Variants in UBE2A observed in about 807,000 individuals in gnomAD.
UBE2A encodes ubiquitin conjugating enzyme E2 A, also known as ubiquitin-conjugating enzyme E2 A.
For synonymous variants in UBE2A, 39 were observed against 41.1 expected, an observed-to-expected ratio of 0.95 and a Z score of 0.20; for missense variants, 27 against 125.8, an observed-to-expected ratio of 0.21 and a Z score of 3.76.
intron 2 of UBE2A, 27 bp downstream of exon 2, chrX:119,575,008 A>G: frequency 8.3e-7 from 1 of 1,206,093 alleles, no homozygotes; most frequent in Non-Finnish European, 1.1e-6. Flanking sequence ...GGCGGTGGCG[A>G]GAAAACTGGG....
intron 3 of UBE2A, among the ~76,000 whole-genome samples, chrX:119,578,721 C>G (rs781012089): frequency 1.2e-4 from 13 of 111,194 alleles, no homozygotes; most frequent in East Asian, 2.8e-4. Context: ...ACATATACCC[C>G]CTCTAGTTCA....
chrX:119,575,176 T>G, intron 2 of UBE2A, 195 bp downstream of exon 2: 1 of 744,268 alleles, frequency 1.3e-6, no homozygotes, highest in Non-Finnish European at 2.0e-6. Context: ...CTTGGGGTTC[T>G]AGGGGGGCGG....
At chrX:119,582,984 A>T (rs2053459999) in intron 5 of UBE2A, 143 bp from the exon 6 acceptor site, 1 of 726,112 alleles carries the variant, frequency 1.4e-6, no homozygotes, top group South Asian at 2.6e-5. Flanking sequence ...TTTCCTAGCT[A>T]CTAGCAGATT....
At chrX:119,579,197 T>TG (rs1332742013) in intron 3 of UBE2A, among the ~76,000 whole-genome samples, 1 of 112,078 alleles carries the variant, frequency 8.9e-6, no homozygotes, top group Non-Finnish European at 1.9e-5. Context: ...TTAAAAGACT[T>TG]GCGATTAACT....
At chrX:119,583,064 C>A in intron 5 of UBE2A, 63 bp from the exon 6 acceptor site, 1 of 1,176,176 alleles carries the variant, frequency 8.5e-7, no homozygotes, top group South Asian at 1.8e-5. Context: ...AATTGAGTGT[C>A]ACTACCTTAT....
chrX:119,575,307 C>T, intron 2 of UBE2A, 68 bp from the exon 3 acceptor site: 2 of 1,192,104 alleles, frequency 1.7e-6, no homozygotes, highest in Non-Finnish European at 2.3e-6. Flanking sequence ...TCGGGATAGC[C>T]ATCTCAGATG....
At chrX:119,581,628 CTACTA>C (rs1459615792) in intron 4 of UBE2A, 32 bp downstream of exon 4, 4 of 1,044,188 alleles carry the variant, frequency 3.8e-6, no homozygotes, top group Admixed American at 4.4e-5. Context: ...GTGTTTTAAA[CTACTA>C]TAGTGTTTAT....
intron 3 of UBE2A, among the ~76,000 whole-genome samples, chrX:119,578,147 G>A (rs7892285): frequency 9.0e-6 from 1 of 111,597 alleles, no homozygotes; most frequent in African/African-American, 3.3e-5. Flanking sequence ...TTAGAGTGAT[G>A]AAATCTTAAG....
chrX:119,576,758 A>G (rs2053418613), intron 3 of UBE2A, among the ~76,000 whole-genome samples: 1 of 111,582 alleles, frequency 9.0e-6, no homozygotes, highest in Non-Finnish European at 1.9e-5. Flanking sequence ...GGTAAATATC[A>G]TTACTCTTCA....
chrX:119,576,740 A>C (rs999423040), intron 3 of UBE2A, among the ~76,000 whole-genome samples: 3 of 111,164 alleles, frequency 2.7e-5, no homozygotes, highest in Non-Finnish European at 5.7e-5. Flanking sequence ...CTTTACCTTT[A>C]CCCCCTGGGT....
rs1340622566 is a variant in UBE2A at position 119,574,567 on chromosome X, C to T, written c.-145C>T. 1.2e-6 allele frequency: 1 copy of T among 820,820 alleles called. No homozygotes were observed. The highest frequency in any genetic ancestry group is 1.8e-6 in the Non-Finnish European group (1 of 566,918). 67.6% of individuals were successfully genotyped at this position (820,820 alleles called of 1,213,427 possible). ...GGGTGGTGCTTAGCCGGCGCCAGAC[C>T]GACCCTCGACTTCGGAGAGGCAGCG... On this transcript the variant is annotated 5_prime_UTR_variant, in exon 1 of 6. Transcript: ENST00000371558.
At position 119,579,367 on chromosome X, in the gene UBE2A, T is replaced by C. The variant is rs767920774; in HGVS notation, c.152-2140T>C. ...AAGTACTGTTTAATATCTGAATGCC[T>C]TAATTGTATATTTCTTACTGATAGT... On this transcript the variant is annotated intron_variant, in intron 3 of 5. Transcript: ENST00000371558. Among the ~76,000 whole-genome samples the C allele has an allele frequency of 9.8e-5, 11 of 112,110 alleles. No individual in the cohort carries two copies. In the East Asian group the frequency reaches 3.1e-3, roughly 31 times the overall value.
In UBE2A at chrX:119,583,381, TC is replaced by T. The variant is rs1194736006; in HGVS notation, c.*128del. 60 of 1,049,894 alleles carry T rather than the reference TC, an allele frequency of 5.7e-5. No individual in the cohort carries two copies. The Middle Eastern group carries it at 1.0e-3, about 18-fold the overall frequency. The allele number at this position is 1,049,894 out of a possible 1,213,427, so 86.5% of individuals were successfully genotyped here. On this transcript the variant is annotated 3_prime_UTR_variant, in exon 6 of 6. Transcript: ENST00000371558. ...AATAACTGTTGTGCTGTTTCCATCT[TC>T]CTTGCCAAGTTTTCCTACCCCTTCT...
intron 3 of UBE2A, chrX:119,581,269 AT>A: frequency 3.4e-6 from 1 of 292,496 alleles, no homozygotes. Flanking sequence ...GTAAGCAGTA[AT>A]TTTGTGTTTA....
chrX:119,583,405 T>C lies in UBE2A; in HGVS notation c.*150T>C, dbSNP rs2053464865. Reference sequence around the variant, plus strand: ...TTCCTTGCCAAGTTTTCCTACCCCTTCTACCCTCTCCTTAAACATCAGAAA... The same window carrying C: ...TTCCTTGCCAAGTTTTCCTACCCCTCCTACCCTCTCCTTAAACATCAGAAA... On this transcript the variant is annotated 3_prime_UTR_variant, in exon 6 of 6. Transcript: ENST00000371558. 1 of 808,932 alleles carries C rather than the reference T, an allele frequency of 1.2e-6. No homozygotes were observed. Among genetic ancestry groups the C allele is most frequent in the East Asian group, 3.3e-5 (1 of 29,985 alleles). 66.7% of individuals were successfully genotyped at this position (808,932 alleles called of 1,213,427 possible).
intron 2 of UBE2A, 83 bp from the exon 3 acceptor site, chrX:119,575,292 A>G: frequency 8.6e-7 from 1 of 1,165,225 alleles, no homozygotes; most frequent in Non-Finnish European, 1.2e-6. Context: ...TGGAGATGGC[A>G]GAGCTCGGGA....
chrX:119,575,330 G>C (rs1280879239), intron 2 of UBE2A, 45 bp from the exon 3 acceptor site: 27 of 1,209,045 alleles, frequency 2.2e-5, no homozygotes, highest in East Asian at 5.9e-5. Flanking sequence ...GCAGGGAGAA[G>C]GGGGCCCCTT....
In UBE2A at chrX:119,583,567, T is replaced by C; in HGVS notation, c.*312T>C. ...TTGTACTTTAAGCTTTTAAGATGAA[T>C]TGTTATACAAGAGGTGCTTATGCTT... is the stretch of plus-strand genomic sequence containing the variant. On this transcript the variant is annotated 3_prime_UTR_variant, in exon 6 of 6. Coordinates refer to ENST00000371558, the MANE Select transcript of UBE2A (RefSeq NM_003336.4). 1.5e-5 allele frequency: 4 copies of C among 273,763 alleles called. No individual in the cohort carries two copies. The highest frequency in any genetic ancestry group is 1.3e-5 in the Non-Finnish European group (2 of 152,725). 22.6% of individuals were successfully genotyped at this position (273,763 alleles called of 1,213,427 possible).
intron 5 of UBE2A, among the ~76,000 whole-genome samples, 161 bp downstream of exon 5, chrX:119,582,837 G>A (rs1444596334): frequency 9.0e-6 from 1 of 110,791 alleles, no homozygotes; most frequent in Non-Finnish European, 1.9e-5. Flanking sequence ...AGTCAGCTGG[G>A]TACAGTCGCT....
Sources: allele counts gnomAD v4.1 joint callset (sites outside exome capture counted in the v4.1 genomes callset), GRCh38; gene constraint gnomAD v4.1.1; transcripts MANE v1.5; gene names NCBI Gene and HGNC (gene_info 2026-07-23, HGNC 2026-07-21).